Variants in PALM2AKAP2 observed in about 807,000 individuals in gnomAD.
The protein encoded by PALM2AKAP2 is PALM2 and AKAP2 fusion.
Under a neutral mutation model 71.5 loss-of-function variants are expected in PALM2AKAP2, and 37 were observed. That is an observed-to-expected ratio of 0.52 (90% confidence interval 0.40 to 0.68). PALM2AKAP2 has a LOEUF of 0.68. Among genes scored for constraint, PALM2AKAP2 ranks in the 30% least tolerant of loss-of-function variants. The probability of loss-of-function intolerance (pLI) is 0.00; values close to 1 mark genes in which losing one functional copy is unlikely to be tolerated. For missense variants in PALM2AKAP2, 1,224 were observed against 1,191.8 expected (o/e 1.03, Z -0.40); for synonymous variants, 468 against 478.8 (o/e 0.98, Z 0.29).
intron 1 of PALM2AKAP2, among the ~76,000 whole-genome samples, chr9:109,768,339 G>A (rs1829197089): frequency 6.6e-6 from 1 of 151,484 alleles, no homozygotes; most frequent in Admixed American, 6.6e-5. Flanking sequence ...TATCCCTTTT[G>A]CCTCTTTCAA....
At chr9:110,074,314 C>A (rs1834271643) in intron 1 of PALM2AKAP2, among the ~76,000 whole-genome samples, 1 of 151,846 alleles carries the variant, frequency 6.6e-6, no homozygotes, top group South Asian at 2.1e-4. Flanking sequence ...TGGTGAGAGC[C>A]CATCTCAAAT....
intron 3 of PALM2AKAP2, among the ~76,000 whole-genome samples, chr9:109,919,539 C>T (rs557633295): frequency 6.6e-6 from 1 of 152,034 alleles, no homozygotes; most frequent in Non-Finnish European, 1.5e-5. Context: ...CCAGATTTCT[C>T]AGAGGATTCA....
chr9:109,931,456 G>A (rs1831098962), intron 5 of PALM2AKAP2, among the ~76,000 whole-genome samples: 1 of 152,196 alleles, frequency 6.6e-6, no homozygotes, highest in Admixed American at 6.5e-5. Flanking sequence ...GGCTCATAAA[G>A]CTATATTGCC....
At chr9:110,088,012 T>C (rs1439331618) in intron 1 of PALM2AKAP2, among the ~76,000 whole-genome samples, 1 of 152,196 alleles carries the variant, frequency 6.6e-6, no homozygotes, top group Non-Finnish European at 1.5e-5. Flanking sequence ...CAAATTGTTA[T>C]CAGTGGAGGG....
At chr9:110,062,671 C>G (rs1833988765) in intron 1 of PALM2AKAP2, among the ~76,000 whole-genome samples, 1 of 152,186 alleles carries the variant, frequency 6.6e-6, no homozygotes, top group South Asian at 2.1e-4. Context: ...ACAGTGATTT[C>G]TAGCACATGT....
At chr9:110,131,804 C>T (rs1321663168) in intron 1 of PALM2AKAP2, among the ~76,000 whole-genome samples, 1 of 152,030 alleles carries the variant, frequency 6.6e-6, no homozygotes, top group Non-Finnish European at 1.5e-5. Context: ...ACTTCCATGC[C>T]AATTAGAGGT....
intron 3 of PALM2AKAP2, among the ~76,000 whole-genome samples, chr9:109,895,279 C>T (rs1830173146): frequency 6.6e-6 from 1 of 152,204 alleles, no homozygotes; most frequent in East Asian, 1.9e-4. Flanking sequence ...GCCTTCCATG[C>T]AGTGGAGTCT....
intron 1 of PALM2AKAP2, among the ~76,000 whole-genome samples, chr9:110,128,678 C>T (rs916986356): frequency 3.9e-5 from 6 of 152,140 alleles, no homozygotes; most frequent in Non-Finnish European, 5.9e-5. Flanking sequence ...CCTAGGAGGT[C>T]GAGATGGGTT....
At chr9:110,132,036 TG>T in intron 1 of PALM2AKAP2, among the ~76,000 whole-genome samples, 1 of 14,626 alleles carries the variant, frequency 6.8e-5, no homozygotes, top group Non-Finnish European at 1.5e-4. Context: ...AACTAGCGTG[TG>T]TGTGTGTGTG....
intron 1 of PALM2AKAP2, among the ~76,000 whole-genome samples, chr9:110,105,528 T>C (rs1835099559): frequency 6.6e-6 from 1 of 152,248 alleles, no homozygotes; most frequent in Non-Finnish European, 1.5e-5. Context: ...ATACTGTATA[T>C]ATGTCATTAG....
At chr9:109,929,890 G>C (rs1375626824) in intron 5 of PALM2AKAP2, among the ~76,000 whole-genome samples, 1 of 141,334 alleles carries the variant, frequency 7.1e-6, no homozygotes, top group Non-Finnish European at 1.5e-5. Context: ...AAAAAAAAGA[G>C]AGAGAATCAT....
intron 6 of PALM2AKAP2, among the ~76,000 whole-genome samples, chr9:109,950,731 C>T (rs1831617721): frequency 6.6e-6 from 1 of 152,206 alleles, no homozygotes; most frequent in Non-Finnish European, 1.5e-5. Context: ...CCTTCATCAC[C>T]AGAATCTCTC....
intron 1 of PALM2AKAP2, among the ~76,000 whole-genome samples, chr9:109,819,414 T>C (rs2131480200): frequency 6.6e-6 from 1 of 152,334 alleles, no homozygotes; most frequent in South Asian, 2.1e-4. Context: ...CTATAATGCC[T>C]CATTAGCTGC....
In PALM2AKAP2 at chr9:109,756,175, A is replaced by T. The variant is rs867427263; in HGVS notation, c.6-24313A>T. Among the ~76,000 whole-genome samples, 273 of 152,326 alleles carry T rather than the reference A, an allele frequency of 1.8e-3. 1 individual carries two copies. The highest frequency in any genetic ancestry group is 6.2e-3 in the African/African-American group (256 of 41,576). On this transcript the variant is annotated intron_variant, in intron 1 of 6. Coordinates refer to the PALM2AKAP2 transcript ENST00000374531. ...TACATACAGATACCAACAGTATGTA[A>T]GTCTGTTCCTCAAACCTTCACTAAT... is the stretch of plus-strand genomic sequence containing the variant.
chr9:109,684,183 C>T (rs1361518110), intron 1 of PALM2AKAP2, among the ~76,000 whole-genome samples: 2 of 152,160 alleles, frequency 1.3e-5, no homozygotes, highest in Non-Finnish European at 2.9e-5. Flanking sequence ...CTTTCTGATA[C>T]ATGGGCTCTG....
At chr9:110,081,383 G>GCT (rs1834445940) in intron 1 of PALM2AKAP2, among the ~76,000 whole-genome samples, 3 of 152,202 alleles carry the variant, frequency 2.0e-5, no homozygotes, top group Non-Finnish European at 4.4e-5. Flanking sequence ...TAAAAAGAGA[G>GCT]ATTTTGGAAA....
rs748547261 is a variant in PALM2AKAP2 at position 109,931,916 on chromosome 9, T to C, written c.395-11T>C. The C allele has an allele frequency of 1.3e-5, 21 of 1,613,476 alleles. No individual in the cohort carries two copies. The highest frequency in any genetic ancestry group is 1.7e-5 in the Non-Finnish European group (20 of 1,179,658). ...CTGTGACTAATTGTATTCCCTGTTCTCTGCTACCAGATGCAGTAAATTACA... is the reference window on the plus strand; with the variant it reads ...CTGTGACTAATTGTATTCCCTGTTCCCTGCTACCAGATGCAGTAAATTACA... On this transcript the variant is annotated splice_polypyrimidine_tract_variant and intron_variant, in intron 5 of 9. Transcript: ENST00000302798.
intron 1 of PALM2AKAP2, among the ~76,000 whole-genome samples, chr9:110,082,770 A>G (rs1834477849): frequency 6.6e-6 from 1 of 152,238 alleles, no homozygotes; most frequent in Admixed American, 6.5e-5. Context: ...AGTACTGAAC[A>G]TATTGTGCAA....
chr9:109,660,725 C>T (rs962402701), intron 1 of PALM2AKAP2, among the ~76,000 whole-genome samples: 1 of 152,102 alleles, frequency 6.6e-6, no homozygotes, highest in Non-Finnish European at 1.5e-5. Flanking sequence ...AGTTCTAGAT[C>T]CTTGAGGAAA....
Sources: gnomAD v4.1 joint callset for allele counts (sites outside exome capture counted in the v4.1 genomes callset) on GRCh38, gnomAD v4.1.1 for gene constraint, MANE v1.5 for transcripts, NCBI Gene and HGNC (gene_info 2026-07-23, HGNC 2026-07-21) for gene names.